LNX1: variants seen among roughly 807,000 people sequenced by gnomAD.
The protein encoded by LNX1 is ligand of numb-protein X 1.
A neutral mutation model predicts 68.4 loss-of-function variants in LNX1; 54 were observed. The observed-to-expected ratio is 0.79, with a 90% CI of 0.63 to 0.99. The LOEUF (loss-of-function observed/expected upper bound fraction) is 0.99. Ranked by LOEUF, LNX1 falls within the 50% of genes least tolerant of loss-of-function variation. LNX1 has a pLI of 0.00. For missense variants in LNX1, 906 were observed against 926.4 expected (o/e 0.98, Z 0.29); for synonymous variants, 336 against 350.0 (o/e 0.96, Z 0.45).
At chr4:53,630,125 T>C (rs1168051351) in intron 1 of LNX1, among the ~76,000 whole-genome samples, 1 of 152,080 alleles carries the variant, frequency 6.6e-6, no homozygotes, top group Non-Finnish European at 1.5e-5. Context: ...ATAACAACCA[T>C]GTAAGTTTTC....
upstream of LNX1, among the ~76,000 whole-genome samples, chr4:53,594,823 CA>C (rs1553942192): frequency 6.6e-6 from 1 of 152,006 alleles, no homozygotes; most frequent in Non-Finnish European, 1.5e-5. Flanking sequence ...GTGATCCTCC[CA>C]CCTCAGCCTC....
At chr4:53,554,711 G>A (rs1577706068) in intron 2 of LNX1, among the ~76,000 whole-genome samples, 1 of 152,128 alleles carries the variant, frequency 6.6e-6, no homozygotes, top group East Asian at 1.9e-4. Flanking sequence ...AATTAGCTGG[G>A]TGTGGTGGTG....
rs115667460 is a variant in LNX1 at position 53,634,678 on chromosome 4, C to G, written c.-215+17490G>C. 9.9e-3 allele frequency among the ~76,000 whole-genome samples: 1,506 copies of G among 152,190 alleles called. 22 individuals carry two copies. The highest frequency in any genetic ancestry group is 0.014 in the Non-Finnish European group (956 of 68,014). ...CTACCTCTCATGCAGGAAGGGTGGG[C>G]ACATGACCCAGCCTCACAGTTGAAT... On this transcript the variant is annotated intron_variant, in intron 1 of 2. Transcript: ENST00000507168.
Position 53,613,814 on chromosome 4 carries a change from G to A in LNX1, c.-215+2703C>T, listed in dbSNP as rs550003443. 2.0e-5 allele frequency among the ~76,000 whole-genome samples: 3 copies of A among 152,276 alleles called. No individual in the cohort carries two copies. The South Asian group carries it at 6.2e-4, about 32-fold the overall frequency. ...AATAGAATGATTTATATTCCTTTGG[G>A]TATATACCCAGTAATGGGATTGCTG... On this transcript the variant is annotated intron_variant, in intron 2 of 3. Coordinates refer to the LNX1 transcript ENST00000504299.
Position 53,487,259 on chromosome 4 carries a change from C to T in LNX1, c.1351-5405G>A, listed in dbSNP as rs1346606224. Among the ~76,000 whole-genome samples the T allele has an allele frequency of 2.6e-5, 4 of 152,310 alleles. No homozygotes were observed. The East Asian group carries it at 5.8e-4, about 22-fold the overall frequency. ...TGAGTCCATACAGTGACTATGAGGGCCAGTGAAAACGTACAGGGGGAGTAA... is the reference window on the plus strand; with the variant it reads ...TGAGTCCATACAGTGACTATGAGGGTCAGTGAAAACGTACAGGGGGAGTAA... On this transcript the variant is annotated intron_variant, in intron 6 of 10. Coordinates refer to ENST00000263925, the MANE Select transcript of LNX1 (RefSeq NM_001126328.3).
chr4:53,593,661 AT>A (rs1732614506), upstream of LNX1, among the ~76,000 whole-genome samples: 2 of 152,142 alleles, frequency 1.3e-5, no homozygotes, highest in Non-Finnish European at 2.9e-5. Context: ...GTTAAAAAAA[AT>A]AATATGGGCT....
chr4:53,527,657 C>T (rs1336766113), intron 2 of LNX1, among the ~76,000 whole-genome samples: 1 of 152,194 alleles, frequency 6.6e-6, no homozygotes, highest in Non-Finnish European at 1.5e-5. Flanking sequence ...CACCTTTGCT[C>T]AGCAAAAGCC....
chr4:53,581,333 T>C (rs1731824001), intron 1 of LNX1, among the ~76,000 whole-genome samples: 1 of 152,326 alleles, frequency 6.6e-6, no homozygotes, highest in Admixed American at 6.5e-5. Context: ...TCAATTTAAG[T>C]TTAAATATTT....
chr4:53,615,402 C>T (rs1381370680), intron 2 of LNX1, among the ~76,000 whole-genome samples: 3 of 152,116 alleles, frequency 2.0e-5, no homozygotes, highest in Admixed American at 6.5e-5. Context: ...CAAGAGGCTT[C>T]GCAGCTTCCA....
At chr4:53,643,820 G>C (rs997409946) in intron 1 of LNX1, among the ~76,000 whole-genome samples, 26 of 152,144 alleles carry the variant, frequency 1.7e-4, no homozygotes, top group African/African-American at 6.3e-4. Context: ...AATTAAACAA[G>C]AGAAGTCAAA....
intron 10 of LNX1, 45 bp from the exon 11 acceptor site, chr4:53,461,087 TTGC>T (rs745791750): frequency 1.3e-6 from 2 of 1,495,826 alleles, no homozygotes; most frequent in South Asian, 1.3e-5. Context: ...TTTTAATTCG[TTGC>T]TGAAGTTAAT....
At chr4:53,612,849 C>T (rs1038023558) in intron 2 of LNX1, among the ~76,000 whole-genome samples, 8 of 151,646 alleles carry the variant, frequency 5.3e-5, no homozygotes, top group Non-Finnish European at 1.0e-4. Flanking sequence ...CGTATCACTG[C>T]ACTCCAGCCT....
intron 1 of LNX1, among the ~76,000 whole-genome samples, chr4:53,636,522 A>AAG (rs1319930007): frequency 1.3e-5 from 2 of 152,130 alleles, no homozygotes; most frequent in Non-Finnish European, 2.9e-5. Context: ...TTTCACCTTC[A>AAG]AGTATCAGGT....
chr4:53,618,635 C>A (rs2109857015), upstream of LNX1, among the ~76,000 whole-genome samples: 1 of 152,260 alleles, frequency 6.6e-6, no homozygotes, highest in Admixed American at 6.5e-5. Flanking sequence ...GACACTCACC[C>A]TGTTGGGGAG....
At position 53,498,681 on chromosome 4, in the gene LNX1, G is replaced by A. The variant is rs1376543168; in HGVS notation, c.938C>T (p.Ala313Val). Residue 313 changes from alanine to valine, a missense_variant, in exon 5 of 11, where the codon GCC becomes GTC. Physicochemically the swap from Ala to Val is moderately conservative, Grantham distance 64. Coordinates refer to ENST00000263925, the MANE Select transcript of LNX1 (RefSeq NM_001126328.3). ...IQHIYRDGVI[A>V]RDGRLLPGDI... ...TCCTGGCAGTAGCCGGCCGTCTCTGGCGATCACCCCATCACGATAAATGTG... is the reference window on the plus strand; with the variant it reads ...TCCTGGCAGTAGCCGGCCGTCTCTGACGATCACCCCATCACGATAAATGTG... 4 of 1,614,024 alleles carry A rather than the reference G, an allele frequency of 2.5e-6. No homozygotes were observed. The highest frequency in any genetic ancestry group is 3.4e-6 in the Non-Finnish European group (4 of 1,179,958).
intron 2 of LNX1, among the ~76,000 whole-genome samples, chr4:53,542,950 C>T (rs1412553338): frequency 6.6e-6 from 1 of 152,172 alleles, no homozygotes; most frequent in Non-Finnish European, 1.5e-5. Flanking sequence ...TTCTCACTTG[C>T]TACTCAGGAA....
At chr4:53,466,458 T>C (rs578132978) in intron 9 of LNX1, among the ~76,000 whole-genome samples, 2 of 152,302 alleles carry the variant, frequency 1.3e-5, no homozygotes, top group African/African-American at 4.8e-5. Context: ...ACTGAGATAC[T>C]GGGTTCATCT....
upstream of LNX1, among the ~76,000 whole-genome samples, chr4:53,595,591 T>C (rs959506558): frequency 6.6e-6 from 1 of 152,216 alleles, no homozygotes; most frequent in Non-Finnish European, 1.5e-5. Flanking sequence ...CTTTGTTCTT[T>C]GGATAGGCAG....
intron 1 of LNX1, among the ~76,000 whole-genome samples, chr4:53,623,944 G>T (rs1733978322): frequency 6.6e-6 from 1 of 152,130 alleles, no homozygotes; most frequent in Non-Finnish European, 1.5e-5. Context: ...ATACAAACTT[G>T]CATCAAAAGA....
Sources: gnomAD v4.1 joint callset for allele counts (sites outside exome capture counted in the v4.1 genomes callset) on GRCh38, gnomAD v4.1.1 for gene constraint, MANE v1.5 for transcripts, NCBI Gene and HGNC (gene_info 2026-07-23, HGNC 2026-07-21) for gene names.